Variants in ABCG2 observed in about 807,000 individuals in gnomAD.
ABCG2 encodes the protein ATP binding cassette subfamily G member 2 (JR blood group).
In ABCG2, 80 loss-of-function variants were observed where a neutral mutation model predicts 73.5. The ratio of observed to expected loss-of-function variants is 1.09; its 90% CI spans 0.91 to 1.31. The LOEUF is 1.31. Among genes scored for constraint, ABCG2 ranks in the 50% most tolerant of loss-of-function variants. ABCG2 has a pLI of 0.00. For missense variants in ABCG2, 796 were observed against 786.2 expected, an observed-to-expected ratio of 1.01 and a Z score of -0.15; for synonymous variants, 269 against 282.4, an observed-to-expected ratio of 0.95 and a Z score of 0.48.
At chr4:88,120,114 A>T (rs1457567144) in intron 6 of ABCG2, among the ~76,000 whole-genome samples, 1 of 152,138 alleles carries the variant, frequency 6.6e-6, no homozygotes, top group Non-Finnish European at 1.5e-5. Flanking sequence ...TGTTTCAGCC[A>T]TGGTTAAAGG....
At chr4:88,206,543 C>G (rs1169681642) in intron 1 of ABCG2, 1 of 152,208 alleles carries the variant, frequency 6.6e-6, no homozygotes, top group African/African-American at 2.4e-5. Flanking sequence ...TCTGTCCTTT[C>G]ATACAACACT....
intron 10 of ABCG2, 151 bp from the exon 11 acceptor site, chr4:88,101,470 C>T: frequency 1.5e-6 from 1 of 665,780 alleles, no homozygotes; most frequent in Non-Finnish European, 2.7e-6. Flanking sequence ...GAAGCGTGAA[C>T]CCCATCAAGC....
intron 1 of ABCG2, among the ~76,000 whole-genome samples, chr4:88,213,638 A>G (rs899877686): frequency 4.6e-5 from 7 of 151,928 alleles, no homozygotes; most frequent in African/African-American, 1.7e-4. Flanking sequence ...ATATATATAT[A>G]TTCCTCTCCA....
Position 88,092,344 on chromosome 4 carries a change from C to A in ABCG2, c.1858G>T (p.Asp620Tyr). The A allele has an allele frequency of 6.2e-7, 1 of 1,612,974 alleles. No individual in the cohort carries two copies. Among genetic ancestry groups the A allele is most frequent in the Non-Finnish European group, 8.5e-7 (1 of 1,179,704 alleles). The change falls in exon 16 of 16, where the codon GAT (aspartate) becomes TAT (tyrosine). Residue 620 changes from aspartate to tyrosine, a missense_variant. By Grantham distance (160) the Asp-to-Tyr change is radical. Transcript: ENST00000237612. ...GEEYLVKQGI[D>Y]LSPWGLWKNH... The stretch of plus-strand genomic sequence containing the variant: ...TTCCACAAGCCCCAGGGTGAGAGAT[C>A]GATGCCCTGCTTTACCAAATATTCT...
chr4:88,121,650 A>C lies in ABCG2; in HGVS notation c.674T>G (p.Leu225Arg). Residue 225 changes from leucine (L) to arginine (R), a missense_variant, in exon 6 of 16, where the codon CTT (leucine) becomes CGT (arginine). Physicochemically the swap from Leu to Arg is moderately radical, Grantham distance 102. Transcript: ENST00000237612. Reference sequence around the variant, plus strand: ...GAGCATTTACCTTTTCAGGAGCAAAAGGACAGCATTTGCTGTGCTTGAGTC... The same window carrying C: ...GAGCATTTACCTTTTCAGGAGCAAACGGACAGCATTTGCTGTGCTTGAGTC... ...GLDSSTANAV[L>R]LLLKRMSKQG... 6.2e-7 allele frequency: 1 copy of C among 1,613,566 alleles called. No homozygotes were observed.
At chr4:88,123,377 G>A (rs1477834990) in intron 5 of ABCG2, among the ~76,000 whole-genome samples, 1 of 152,036 alleles carries the variant, frequency 6.6e-6, no homozygotes, top group Non-Finnish European at 1.5e-5. Context: ...AGCTAAAGGT[G>A]CATATTCTAA....
chr4:88,099,299 C>CT (rs780890581), intron 12 of ABCG2, 25 bp downstream of exon 12: 1 of 1,555,448 alleles, frequency 6.4e-7, no homozygotes, highest in East Asian at 2.3e-5. Flanking sequence ...AAGACATGTC[C>CT]TTTTTTGTTT....
intron 1 of ABCG2, among the ~76,000 whole-genome samples, chr4:88,194,036 T>C (rs1174059340): frequency 1.3e-5 from 2 of 152,096 alleles, no homozygotes; most frequent in Non-Finnish European, 2.9e-5. Context: ...TAAGCCACCA[T>C]GCTCGGCCAA....
At position 88,139,933 on chromosome 4, in the gene ABCG2, G is replaced by A. The variant is rs781168527; in HGVS notation, c.63C>T (p.Pro21=). The A allele has an allele frequency of 2.2e-5, 36 of 1,613,962 alleles. No individual in the cohort carries two copies. Among genetic ancestry groups the A allele is most frequent in the South Asian group, 7.7e-5 (7 of 91,072 alleles). The change falls in exon 2 of 16, where the codon CCC becomes CCT. Residue 21 remains proline, a synonymous_variant. Coordinates refer to ENST00000237612, the MANE Select transcript of ABCG2 (RefSeq NM_004827.3). The part of the protein sequence containing the change: ...PVSQGNTNGF[P]ATASNDLKAF... ...CCTTCAGGTCATTGGAAGCTGTCGC[G>A]GGGAAGCCATTGGTGTTTCCTTGTG...
intron 1 of ABCG2, among the ~76,000 whole-genome samples, chr4:88,153,658 G>A (rs1019285694): frequency 6.6e-6 from 1 of 152,024 alleles, no homozygotes; most frequent in Non-Finnish European, 1.5e-5. Flanking sequence ...GCCAAACCAA[G>A]GAATTATGTC....
At chr4:88,143,694 C>A (rs962859627) in intron 1 of ABCG2, among the ~76,000 whole-genome samples, 6 of 151,928 alleles carry the variant, frequency 3.9e-5, no homozygotes, top group Admixed American at 2.0e-4. Flanking sequence ...CAATCTTCCT[C>A]GGGAGATACA....
intron 1 of ABCG2, among the ~76,000 whole-genome samples, chr4:88,222,839 CCAGCCACGAAAG>C (rs1208592743): frequency 6.6e-6 from 1 of 152,188 alleles, no homozygotes; most frequent in Non-Finnish European, 1.5e-5. Context: ...ACACTCAACA[CCAGCCACGAAAG>C]CAGCTGGAAG....
chr4:88,175,894 A>G (rs1178805922), intron 1 of ABCG2, among the ~76,000 whole-genome samples: 1 of 152,230 alleles, frequency 6.6e-6, no homozygotes, highest in Non-Finnish European at 1.5e-5. Context: ...TGAAACAAAA[A>G]TATCTGAAGC....
chr4:88,131,830 G>T lies in ABCG2; in HGVS notation c.351C>A (p.Phe117Leu), dbSNP rs1312055972. 1 of 1,613,516 alleles carries T rather than the reference G, an allele frequency of 6.2e-7. No homozygotes were observed. Among genetic ancestry groups the T allele is most frequent in the African/African-American group, 1.3e-5 (1 of 74,898 alleles). ...LINGAPRPAN[F>L]KCNSGYVVQD... ...GTACCACGTAACCTGAATTACATTT[G>T]AAATTGGCAGGTCGCGGTGCTCCAT... The change falls in exon 4 of 16, where the codon TTC becomes TTA. Residue 117 changes from phenylalanine (F) to leucine (L), a missense_variant. By Grantham distance (22) the Phe-to-Leu change is conservative (BLOSUM62 0). Coordinates refer to ENST00000237612, the MANE Select transcript of ABCG2 (RefSeq NM_004827.3).
chr4:88,206,664 AT>A (rs1729393012), intron 1 of ABCG2: 1 of 152,052 alleles, frequency 6.6e-6, no homozygotes, highest in Non-Finnish European at 1.5e-5. Context: ...CCGTTGTCAT[AT>A]TTTTAAATCC....
intron 9 of ABCG2, among the ~76,000 whole-genome samples, chr4:88,110,164 A>G (rs887790537): frequency 4.6e-5 from 7 of 152,286 alleles, no homozygotes; most frequent in Admixed American, 3.9e-4. Context: ...TATTTCTCAC[A>G]ATATAAAATT....
chr4:88,099,380 A>G lies in ABCG2; in HGVS notation c.1436T>C (p.Leu479Ser), dbSNP rs761977858. Reference sequence around the variant, plus strand: ...AATACTTGGTAACATCCTCATGGGTAATAAATCAGATAACAGTTTTCCAAG... The same window carrying G: ...AATACTTGGTAACATCCTCATGGGTGATAAATCAGATAACAGTTTTCCAAG... The part of the protein sequence containing the change: ...YFLGKLLSDL[L>S]PMRMLPSIIF... Residue 479 changes from leucine (L) to serine (S), a missense_variant, in exon 12 of 16, where the codon TTA becomes TCA. Transcript: ENST00000237612. The G allele has an allele frequency of 6.2e-7, 1 of 1,612,132 alleles. No individual in the cohort carries two copies. The highest frequency in any genetic ancestry group is 8.5e-7 in the Non-Finnish European group (1 of 1,178,902).
At chr4:88,114,832 T>C in intron 8 of ABCG2, 125 bp downstream of exon 8, 2 of 576,514 alleles carry the variant, frequency 3.5e-6, no homozygotes, top group African/African-American at 3.8e-5. Flanking sequence ...AATATTTGTG[T>C]TGACTGGTAT....
At chr4:88,169,965 G>C (rs1467589583) in intron 1 of ABCG2, among the ~76,000 whole-genome samples, 2 of 152,032 alleles carry the variant, frequency 1.3e-5, no homozygotes, top group Non-Finnish European at 2.9e-5. Flanking sequence ...ACAAAAATTA[G>C]CCAGGCATGG....
Sources: allele counts gnomAD v4.1 joint callset (sites outside exome capture counted in the v4.1 genomes callset), GRCh38; gene constraint gnomAD v4.1.1; transcripts MANE v1.5; gene names NCBI Gene and HGNC (gene_info 2026-07-23, HGNC 2026-07-21).